GSG1L2: variants seen among roughly 807,000 people sequenced by gnomAD.
GSG1L2 encodes GSG1 like 2, also known as germ cell-specific gene 1-like protein 2.
Under a neutral mutation model 9.0 loss-of-function variants are expected in GSG1L2, and 15 were observed. The ratio of observed to expected loss-of-function variants is 1.67; its 90% CI spans 1.12 to 2.57. GSG1L2 has a LOEUF of 2.57. GSG1L2 is among the 30% of genes most tolerant of loss of function. The pLI is 0.00. For missense variants in GSG1L2, 286 were observed against 150.3 expected, an observed-to-expected ratio of 1.90 and a Z score of -4.72; for synonymous variants, 127 against 57.9, an observed-to-expected ratio of 2.19 and a Z score of -5.41.
rs529780635 is a variant in GSG1L2 at position 9,817,082 on chromosome 17, G to T, written c.310+4680C>A. ...ATGCCACCACCACCACCACACACACGCTGAGTTACACACACACATACACAC... is the reference window on the plus strand; with the variant it reads ...ATGCCACCACCACCACCACACACACTCTGAGTTACACACACACATACACAC... On this transcript the variant is annotated intron_variant, in intron 1 of 4. Coordinates refer to ENST00000399363, the MANE Select transcript of GSG1L2 (RefSeq NM_001310219.2). 2.5e-4 allele frequency among the ~76,000 whole-genome samples: 30 copies of T among 121,736 alleles called. 1 individual carries two copies. The highest frequency in any genetic ancestry group is 7.7e-4 in the African/African-American group (25 of 32,606). The allele number at this position is 121,736 out of a possible 152,430, so 79.9% of individuals were successfully genotyped here. A position where few individuals can be genotyped will look rare whatever the true frequency, so the allele number is the denominator to read the frequency against.
At chr17:9,816,777 G>T (rs62066025) in intron 1 of GSG1L2, among the ~76,000 whole-genome samples, 1 of 148,978 alleles carries the variant, frequency 6.7e-6, no homozygotes, top group Admixed American at 6.7e-5. Flanking sequence ...GTGTGCGTGT[G>T]TGTCTGTGTG....
Position 9,801,653 on chromosome 17 carries a change from C to T in GSG1L2, c.*733G>A, listed in dbSNP as rs750170852. 6.6e-6 allele frequency among the ~76,000 whole-genome samples: 1 copy of T among 152,228 alleles called. No individual in the cohort carries two copies. Among genetic ancestry groups the T allele is most frequent in the Non-Finnish European group, 1.5e-5 (1 of 68,048 alleles). On this transcript the variant is annotated 3_prime_UTR_variant, in exon 5 of 5. Transcript: ENST00000399363. ...TCCTGCAGCCCACCACTGCCTCCAA[C>T]AAGACCTGCATGTTTGGTAATGTTT...
intron 1 of GSG1L2, among the ~76,000 whole-genome samples, chr17:9,813,883 T>C (rs1253151212): frequency 6.6e-6 from 1 of 152,250 alleles, no homozygotes; most frequent in Non-Finnish European, 1.5e-5. Flanking sequence ...ATGGGTCTAA[T>C]GAAAGGTCTC....
chr17:9,815,759 C>G (rs937082976), intron 1 of GSG1L2, among the ~76,000 whole-genome samples: 3 of 152,176 alleles, frequency 2.0e-5, no homozygotes, highest in African/African-American at 4.8e-5. Context: ...TGTCCTGATA[C>G]AAGAATATAG....
chr17:9,821,444 T>C (rs1216446783), intron 1 of GSG1L2, among the ~76,000 whole-genome samples: 2 of 152,214 alleles, frequency 1.3e-5, no homozygotes, highest in East Asian at 1.9e-4. Flanking sequence ...TTGCAATGTG[T>C]CAGGCCCTGT....
intron 2 of GSG1L2, chr17:9,809,285 A>G: frequency 7.8e-6 from 3 of 383,866 alleles, no homozygotes; most frequent in South Asian, 2.4e-5. Flanking sequence ...TAGCTCAAAA[A>G]CTACCATTGT....
chr17:9,809,018 T>C (rs1306304691), intron 2 of GSG1L2, 36 bp from the exon 3 acceptor site: 1 of 698,170 alleles, frequency 1.4e-6, no homozygotes, highest in Non-Finnish European at 2.6e-6. Context: ...CGCTGGACAC[T>C]TCTAATTCAG....
At chr17:9,806,233 A>G (rs1471851705) in intron 4 of GSG1L2, among the ~76,000 whole-genome samples, 1 of 152,058 alleles carries the variant, frequency 6.6e-6, no homozygotes, top group Non-Finnish European at 1.5e-5. Flanking sequence ...AAATATCCCT[A>G]AGTCTTATCT....
intron 1 of GSG1L2, chr17:9,810,848 G>A (rs1406355873): frequency 1.8e-6 from 1 of 560,790 alleles, no homozygotes; most frequent in Admixed American, 3.3e-5. Flanking sequence ...CAAAAATGAG[G>A]TGGATCTGAG....
At chr17:9,821,710 C>G in intron 1 of GSG1L2, 52 bp downstream of exon 1, 1 of 688,232 alleles carries the variant, frequency 1.5e-6, no homozygotes, top group Non-Finnish European at 2.7e-6. Flanking sequence ...GGCTCCAGAG[C>G]CCCTGCCCCA....
chr17:9,804,679 G>A (rs2066510613), intron 4 of GSG1L2: 1 of 152,156 alleles, frequency 6.6e-6, no homozygotes, highest in Non-Finnish European at 1.5e-5. Flanking sequence ...AAAATAGATG[G>A]TGCCATACCC....
chr17:9,802,452 T>C lies in GSG1L2; in HGVS notation c.816A>G (p.Glu272=), dbSNP rs1408013222. 1.4e-6 allele frequency: 1 copy of C among 701,512 alleles called. No individual in the cohort carries two copies. Among genetic ancestry groups the C allele is most frequent in the African/African-American group, 1.7e-5 (1 of 57,144 alleles). The allele number at this position is 701,512 out of a possible 1,614,324, so 43.5% of individuals were successfully genotyped here. ...WKTGAAPCPA[E]QAFRNVSGHL... Reference sequence around the variant, plus strand: ...GTCCAGAAACATTCCTGAAGGCTTGTTCAGCAGGGCAAGGAGCAGCTCCTG... The same window carrying C: ...GTCCAGAAACATTCCTGAAGGCTTGCTCAGCAGGGCAAGGAGCAGCTCCTG... Residue 272 remains glutamate (E), a synonymous_variant, in exon 5 of 5, where the codon GAA becomes GAG. Coordinates refer to ENST00000399363, the MANE Select transcript of GSG1L2 (RefSeq NM_001310219.2).
intron 1 of GSG1L2, among the ~76,000 whole-genome samples, chr17:9,816,490 G>GCA (rs2066561808): frequency 1.6e-5 from 2 of 123,052 alleles, no homozygotes; most frequent in Admixed American, 8.7e-5. Flanking sequence ...GTGTGTGCAT[G>GCA]TGTCTGTGTG....
At chr17:9,814,405 T>C (rs965114922) in intron 1 of GSG1L2, among the ~76,000 whole-genome samples, 2 of 152,160 alleles carry the variant, frequency 1.3e-5, no homozygotes, top group African/African-American at 4.8e-5. Context: ...TCTTTCTACC[T>C]AATGCACGGA....
At chr17:9,804,112 GGAGAGGAGACAT>G (rs2066508291) in intron 4 of GSG1L2, 1 of 152,292 alleles carries the variant, frequency 6.6e-6, no homozygotes, top group African/African-American at 2.4e-5. Flanking sequence ...AAGGAGAATT[GGAGAGGAGACAT>G]GAGAGTACGG....
intron 1 of GSG1L2, among the ~76,000 whole-genome samples, chr17:9,816,675 GT>G (rs1260972815): frequency 1.5e-5 from 1 of 65,634 alleles, no homozygotes; most frequent in Non-Finnish European, 3.3e-5. Flanking sequence ...GTGTGTGTCT[GT>G]GTGTGTGTGT....
chr17:9,808,226 T>C (rs890522737), intron 3 of GSG1L2, among the ~76,000 whole-genome samples: 1 of 152,126 alleles, frequency 6.6e-6, no homozygotes, highest in Non-Finnish European at 1.5e-5. Context: ...GGGTTCTTTC[T>C]CCCTGGAAAG....
rs562223451 is a variant in GSG1L2, at chr17:9,810,426, G to C, written c.358+145C>G. ...CCACTGGCTATAGGGCACAGGAAGA[G>C]AGCCTGTGGTTCTAGCTTTTGGGCT... On this transcript the variant is annotated intron_variant, in intron 2 of 4. Coordinates refer to ENST00000399363, the MANE Select transcript of GSG1L2 (RefSeq NM_001310219.2). 1.6e-5 allele frequency: 10 copies of C among 632,240 alleles called. No individual in the cohort carries two copies. In the African/African-American group the frequency reaches 1.6e-4, roughly 10 times the overall value. The allele number at this position is 632,240 out of a possible 1,614,324, so 39.2% of individuals were successfully genotyped here.
chr17:9,807,314 C>T, intron 4 of GSG1L2, 176 bp downstream of exon 4: 1 of 583,962 alleles, frequency 1.7e-6, no homozygotes, highest in Non-Finnish European at 3.1e-6. Flanking sequence ...GGCAGGTATC[C>T]TCACTTTATC....
Sources: allele counts gnomAD v4.1 joint callset (sites outside exome capture counted in the v4.1 genomes callset), GRCh38; gene constraint gnomAD v4.1.1; transcripts MANE v1.5; gene names NCBI Gene and HGNC (gene_info 2026-07-23, HGNC 2026-07-21).